The following PCDHA9 variants were observed in gnomAD, a reference collection of about 807,000 sequenced individuals.
The protein encoded by PCDHA9 is protocadherin alpha 9, also known as protocadherin alpha-9.
Under a neutral mutation model 62.0 loss-of-function variants are expected in PCDHA9, and 62 were observed. The ratio of observed to expected loss-of-function variants is 1.00; its 90% confidence interval spans 0.81 to 1.23. The LOEUF (loss-of-function observed/expected upper bound fraction) is 1.23. PCDHA9 is among the 50% of genes most tolerant of loss of function. The pLI is 0.00. For synonymous variants in PCDHA9, 557 were observed against 567.6 expected, an observed-to-expected ratio of 0.98 and a Z score of 0.27; for missense variants, 1,205 against 1,249.8, an observed-to-expected ratio of 0.96 and a Z score of 0.54.
chr5:140,944,999 G>A (rs2093721816), intron 1 of PCDHA9, among the ~76,000 whole-genome samples: 1 of 151,896 alleles, frequency 6.6e-6, no homozygotes, highest in Non-Finnish European at 1.5e-5. Context: ...TAACGGTTGT[G>A]GGTCATGAAT....
chr5:140,993,012 C>G (rs1307637137), intron 3 of PCDHA9, among the ~76,000 whole-genome samples: 2 of 152,198 alleles, frequency 1.3e-5, no homozygotes, highest in Admixed American at 1.3e-4. Context: ...CCCCAGAGTC[C>G]AGCATCCCCT....
intron 1 of PCDHA9, among the ~76,000 whole-genome samples, chr5:140,915,400 T>C (rs1554196884): frequency 6.6e-6 from 1 of 152,224 alleles, no homozygotes; most frequent in East Asian, 1.9e-4. Context: ...GTATTTCTTA[T>C]AGTCTTTGCA....
intron 1 of PCDHA9, among the ~76,000 whole-genome samples, chr5:140,960,799 A>C (rs2095571237): frequency 6.6e-6 from 1 of 152,170 alleles, no homozygotes; most frequent in Non-Finnish European, 1.5e-5. Flanking sequence ...TTTCTATTAA[A>C]ATAAGAGGTC....
At chr5:141,007,527 C>T (rs1184006315) in intron 3 of PCDHA9, among the ~76,000 whole-genome samples, 1 of 152,070 alleles carries the variant, frequency 6.6e-6, no homozygotes, top group Non-Finnish European at 1.5e-5. Flanking sequence ...GATATCTCGC[C>T]ACTGCACTCC....
In PCDHA9 at chr5:140,856,671, AGTT is replaced by A. The variant is rs781932565; in HGVS notation, c.2394+5790_2394+5792del. 8 of 1,597,880 alleles carry A rather than the reference AGTT, an allele frequency of 5.0e-6. 1 individual carries two copies. The highest frequency in any genetic ancestry group is 4.5e-5 in the East Asian group (2 of 44,874). The stretch of plus-strand genomic sequence containing the variant: ...GATCGTGAAGAAAATCCTCAGCTAA[AGTT>A]GTTGTTGACAGCAACTGATGGAGGC... On this transcript the variant is annotated intron_variant, in intron 1 of 3. Transcript: ENST00000532602.
At chr5:141,006,007 T>C (rs1554260471) in intron 3 of PCDHA9, among the ~76,000 whole-genome samples, 1 of 151,298 alleles carries the variant, frequency 6.6e-6, no homozygotes, top group African/African-American at 2.4e-5. Flanking sequence ...AGAAGGCCTG[T>C]ATGGTTGGAG....
chr5:140,928,876 C>T (rs1554206456), intron 1 of PCDHA9: 1 of 1,614,194 alleles, frequency 6.2e-7, no homozygotes, highest in Non-Finnish European at 8.5e-7. Context: ...CTCTGTCCCT[C>T]AGTTACTTCC....
At chr5:140,957,269 T>TC (rs2095346885) in intron 1 of PCDHA9, among the ~76,000 whole-genome samples, 1 of 152,070 alleles carries the variant, frequency 6.6e-6, no homozygotes, top group African/African-American at 2.4e-5. Context: ...TAAGCACTAG[T>TC]CCCCCCTTAC....
intron 1 of PCDHA9, chr5:140,869,346 T>G (rs781810947): frequency 4.3e-6 from 7 of 1,613,936 alleles, no homozygotes; most frequent in East Asian, 2.2e-5. Flanking sequence ...ATCTGCAGAA[T>G]GGCATTTTGT....
intron 3 of PCDHA9, among the ~76,000 whole-genome samples, chr5:140,992,118 G>C (rs1554252679): frequency 1.3e-5 from 2 of 151,650 alleles, no homozygotes; most frequent in Non-Finnish European, 2.9e-5. Flanking sequence ...ATGTGTCATG[G>C]AAGAACAGTG....
rs2096146085 is a variant in PCDHA9 at position 140,967,476 on chromosome 5, G to T, written c.2395-11473G>T. ...GCCGTGGATGGGGGCATCCCAGCCC[G>T]CTCGGGTACGGCACAGATCTCTGTG... On this transcript the variant is annotated intron_variant, in intron 1 of 3. Transcript: ENST00000532602. The T allele has an allele frequency of 6.2e-7, 1 of 1,613,324 alleles. No individual in the cohort carries two copies. The highest frequency in any genetic ancestry group is 1.3e-5 in the African/African-American group (1 of 75,056).
At chr5:140,894,143 T>G (rs1322881071) in intron 1 of PCDHA9, among the ~76,000 whole-genome samples, 1 of 152,158 alleles carries the variant, frequency 6.6e-6, no homozygotes, top group Non-Finnish European at 1.5e-5. Flanking sequence ...ATAATTCCCT[T>G]CTATGTAATT....
chr5:141,012,183 A>G lies in PCDHA9; in HGVS notation c.*2246A>G, dbSNP rs1554263839. The stretch of plus-strand genomic sequence containing the variant: ...TAATTTATTAATGATGATAATTATA[A>G]TGTATCTGTACAGCACTTTTTACAT... On this transcript the variant is annotated 3_prime_UTR_variant, in exon 4 of 4. Coordinates refer to ENST00000532602, the MANE Select transcript of PCDHA9 (RefSeq NM_031857.2). The G allele has an allele frequency of 6.5e-6, 1 of 153,782 alleles. No homozygotes were observed. Among genetic ancestry groups the G allele is most frequent in the Admixed American group, 6.5e-5 (1 of 15,280 alleles). 9.5% of individuals were successfully genotyped at this position (153,782 alleles called of 1,614,324 possible). A position where few individuals can be genotyped will look rare whatever the true frequency, so the allele number is the denominator to read the frequency against.
At chr5:140,982,296 C>A in intron 2 of PCDHA9, 179 bp from the exon 3 acceptor site, 1 of 1,167,132 alleles carries the variant, frequency 8.6e-7, no homozygotes, top group Non-Finnish European at 1.2e-6. Flanking sequence ...AGTAAGTCAG[C>A]AATGCTTCTG....
chr5:140,927,027 G>A (rs1554203924), intron 1 of PCDHA9: 3 of 1,612,328 alleles, frequency 1.9e-6, no homozygotes, highest in Non-Finnish European at 1.7e-6. Context: ...ACTTGAGGCT[G>A]CCAGCGGCCG....
chr5:140,876,256 A>G (rs1554168418), intron 1 of PCDHA9: 1 of 1,614,042 alleles, frequency 6.2e-7, no homozygotes, highest in East Asian at 2.2e-5. Context: ...CACAAGAGTG[A>G]TCCAACTAAA....
rs1329189325 is a variant in PCDHA9, at chr5:141,010,310, G to C, written c.*373G>C. The C allele has an allele frequency of 6.5e-7, 1 of 1,547,658 alleles. No individual in the cohort carries two copies. The highest frequency in any genetic ancestry group is 8.7e-7 in the Non-Finnish European group (1 of 1,145,866). ...CTTGCAGGGCAGGCTGAAAAGTTTT[G>C]AGATTGAGCAGCTTGGGAGTTTGTG... On this transcript the variant is annotated 3_prime_UTR_variant, in exon 4 of 4. Coordinates refer to ENST00000532602, the MANE Select transcript of PCDHA9 (RefSeq NM_031857.2).
At chr5:140,892,592 C>T (rs1053889046) in intron 1 of PCDHA9, among the ~76,000 whole-genome samples, 2 of 152,214 alleles carry the variant, frequency 1.3e-5, no homozygotes, top group Admixed American at 6.5e-5. Context: ...TATTCATTCA[C>T]CTATTTTTTT....
intron 1 of PCDHA9, among the ~76,000 whole-genome samples, chr5:140,939,994 G>A (rs2092519687): frequency 6.6e-6 from 1 of 151,998 alleles, no homozygotes; most frequent in African/African-American, 2.4e-5. Flanking sequence ...TTTCTCCTTG[G>A]ATTTTGTCAA....
Sources: allele counts gnomAD v4.1 joint callset (sites outside exome capture counted in the v4.1 genomes callset), GRCh38; gene constraint gnomAD v4.1.1; transcripts MANE v1.5; gene names NCBI Gene and HGNC (gene_info 2026-07-23, HGNC 2026-07-21).